Variants in SLC14A2 observed in about 807,000 individuals in gnomAD.
SLC14A2 encodes the protein solute carrier family 14 member 2.
Under a neutral mutation model 104.6 loss-of-function variants are expected in SLC14A2, and 91 were observed. The ratio of observed to expected loss-of-function variants is 0.87; its 90% confidence interval spans 0.73 to 1.04. The LOEUF is 1.04. Ranked by LOEUF, SLC14A2 falls within the 50% of genes least tolerant of loss-of-function variation. The pLI, the probability that SLC14A2 is intolerant of heterozygous loss-of-function variation, is 0.00. For missense variants in SLC14A2, 1,189 were observed against 1,156.0 expected (o/e 1.03, Z -0.41); for synonymous variants, 476 against 466.4 (o/e 1.02, Z -0.27).
At chr18:45,515,686 T>G (rs1207355067) in intron 2 of SLC14A2, 1 of 152,202 alleles carries the variant, frequency 6.6e-6, no homozygotes, top group Non-Finnish European at 1.5e-5. Flanking sequence ...CAGCCAACAC[T>G]CGGGCAACCT....
chr18:45,302,795 G>A (rs935857829), intron 1 of SLC14A2, among the ~76,000 whole-genome samples: 37 of 152,152 alleles, frequency 2.4e-4, no homozygotes, highest in African/African-American at 8.7e-4. Context: ...TAATATGTAA[G>A]GAGATAGGAC....
At chr18:45,341,467 C>G (rs1278633647) in intron 1 of SLC14A2, among the ~76,000 whole-genome samples, 1 of 152,174 alleles carries the variant, frequency 6.6e-6, no homozygotes, top group Non-Finnish European at 1.5e-5. Context: ...AATCTCTCCT[C>G]CTATAAACAA....
intron 1 of SLC14A2, among the ~76,000 whole-genome samples, chr18:45,372,046 T>G (rs1311158746): frequency 2.0e-5 from 3 of 152,200 alleles, no homozygotes; most frequent in African/African-American, 7.2e-5. Context: ...ACACAGTGGC[T>G]CACGCCTGTA....
At chr18:45,378,612 T>TA (rs1245640309) in intron 1 of SLC14A2, among the ~76,000 whole-genome samples, 1 of 152,218 alleles carries the variant, frequency 6.6e-6, no homozygotes, top group Non-Finnish European at 1.5e-5. Context: ...CCATAAGACT[T>TA]AAAAAATTAG....
At chr18:45,229,211 G>A (rs1004934875) in intron 1 of SLC14A2, among the ~76,000 whole-genome samples, 4 of 152,138 alleles carry the variant, frequency 2.6e-5, no homozygotes, top group African/African-American at 9.7e-5. Context: ...GTAAGCCCCT[G>A]TGCTGATTTA....
rs369940744 is a variant in SLC14A2 at position 45,666,990 on chromosome 18, A to G, written c.1613A>G (p.Lys538Arg). 6.2e-7 allele frequency: 1 copy of G among 1,614,124 alleles called. No individual in the cohort carries two copies. Among genetic ancestry groups the G allele is most frequent in the East Asian group, 2.2e-5 (1 of 44,886 alleles). The change falls in exon 13 of 20, where the codon AAG (lysine) becomes AGG (arginine). Residue 538 changes from lysine to arginine, a missense_variant. Lys to Arg is a conservative substitution (Grantham distance 26). Transcript: ENST00000255226. ...SEIKVETNISKTSWIRSSMAA... is the reference protein window; with the variant it reads ...SEIKVETNISRTSWIRSSMAA... ...ATAAAAGTGGAAACAAACATTTCCA[A>G]GACATCCTGGATTCGGAGTTCCATG...
At chr18:45,561,330 T>G (rs2044198716) in intron 2 of SLC14A2, among the ~76,000 whole-genome samples, 2 of 152,186 alleles carry the variant, frequency 1.3e-5, no homozygotes, top group African/African-American at 4.8e-5. Flanking sequence ...TCCCTCTTCC[T>G]GTTCCCTATA....
chr18:45,392,378 G>A (rs1221123122), intron 1 of SLC14A2, among the ~76,000 whole-genome samples: 1 of 152,158 alleles, frequency 6.6e-6, no homozygotes, highest in Admixed American at 6.6e-5. Context: ...ATAGTCAACT[G>A]GGCTTATGGA....
intron 15 of SLC14A2, 87 bp from the exon 16 acceptor site, chr18:45,669,219 A>G: frequency 9.1e-7 from 1 of 1,096,082 alleles, no homozygotes; most frequent in Non-Finnish European, 1.3e-6. Context: ...TTTCTCTAGG[A>G]AGGCACAGGG....
chr18:45,247,311 AT>A (rs2084376293), intron 1 of SLC14A2, among the ~76,000 whole-genome samples: 1 of 152,204 alleles, frequency 6.6e-6, no homozygotes, highest in South Asian at 2.1e-4. Flanking sequence ...AAACACATCT[AT>A]TGTATAAAAA....
intron 2 of SLC14A2, chr18:45,550,322 C>T (rs918790655): frequency 3.3e-5 from 5 of 152,224 alleles, no homozygotes; most frequent in East Asian, 1.9e-4. Context: ...CATGGCTGCT[C>T]CCTGAACCCC....
At chr18:45,413,969 C>A (rs1340763087) in intron 1 of SLC14A2, among the ~76,000 whole-genome samples, 1 of 152,022 alleles carries the variant, frequency 6.6e-6, no homozygotes, top group Non-Finnish European at 1.5e-5. Flanking sequence ...AAAAGAAAAT[C>A]ACGTGGAGGT....
intron 1 of SLC14A2, among the ~76,000 whole-genome samples, chr18:45,391,601 T>G (rs557275049): frequency 1.3e-5 from 2 of 152,332 alleles, no homozygotes; most frequent in Admixed American, 6.5e-5. Flanking sequence ...TTTCCTGACT[T>G]TTTAATGATC....
At chr18:45,245,867 AT>A (rs2084363339) in intron 1 of SLC14A2, among the ~76,000 whole-genome samples, 1 of 152,190 alleles carries the variant, frequency 6.6e-6, no homozygotes, top group African/African-American at 2.4e-5. Flanking sequence ...AGCTGGTGGA[AT>A]TTTCAAGCTC....
intron 2 of SLC14A2, among the ~76,000 whole-genome samples, chr18:45,585,022 A>C (rs1021613127): frequency 3.3e-5 from 5 of 152,186 alleles, no homozygotes; most frequent in Non-Finnish European, 7.4e-5. Context: ...CTAGAAGGAA[A>C]GGGCCAGTCC....
chr18:45,245,820 A>G (rs2144062119), intron 1 of SLC14A2, among the ~76,000 whole-genome samples: 1 of 152,324 alleles, frequency 6.6e-6, no homozygotes, highest in Middle Eastern at 3.4e-3. Context: ...GTATTCATGT[A>G]TTGAGTTCTG....
the SLC14A2 span, among the ~76,000 whole-genome samples, chr18:45,195,395 ATT>A: frequency 6.6e-6 from 1 of 150,960 alleles, no homozygotes; most frequent in Non-Finnish European, 1.5e-5. Flanking sequence ...GGGAATAAGA[ATT>A]TTTTTTTTCT....
chr18:45,583,366 T>A (rs72906304), intron 2 of SLC14A2, among the ~76,000 whole-genome samples: 13,078 of 152,196 alleles, frequency 0.086, 760 homozygotes, highest in Non-Finnish European at 0.13. Flanking sequence ...CTCACCCTCA[T>A]CCAAGCACTA....
chr18:45,261,515 G>A (rs1599622847), intron 1 of SLC14A2, among the ~76,000 whole-genome samples: 1 of 151,214 alleles, frequency 6.6e-6, no homozygotes. Flanking sequence ...CCATTAACTC[G>A]TCATTTAGCA....
Sources: allele counts gnomAD v4.1 joint callset (sites outside exome capture counted in the v4.1 genomes callset), GRCh38; gene constraint gnomAD v4.1.1; transcripts MANE v1.5; gene names NCBI Gene and HGNC (gene_info 2026-07-23, HGNC 2026-07-21).